IMMP2L: variants seen among roughly 807,000 people sequenced by gnomAD.
IMMP2L encodes the protein inner mitochondrial membrane peptidase subunit 2.
A neutral mutation model predicts 19.3 loss-of-function variants in IMMP2L; 18 were observed. The ratio of observed to expected loss-of-function variants is 0.93; its 90% CI spans 0.64 to 1.38. The LOEUF (loss-of-function observed/expected upper bound fraction) is 1.38, where lower values mean the gene tolerates loss of function less well. IMMP2L is among the 40% of genes most tolerant of loss of function. IMMP2L has a pLI of 0.00. For missense variants in IMMP2L, 233 were observed against 218.2 expected (o/e 1.07, Z -0.43); for synonymous variants, 76 against 73.0 (o/e 1.04, Z -0.21).
intron 5 of IMMP2L, among the ~76,000 whole-genome samples, chr7:110,770,732 G>T (rs1383903644): frequency 2.0e-5 from 3 of 152,186 alleles, no homozygotes; most frequent in Admixed American, 6.5e-5. Context: ...AAAAGCAAGT[G>T]TTCAGTGAAA....
At chr7:111,544,214 A>G (rs1188874926) in intron 1 of IMMP2L, among the ~76,000 whole-genome samples, 5 of 143,766 alleles carry the variant, frequency 3.5e-5, no homozygotes, top group Non-Finnish European at 7.6e-5. Flanking sequence ...ACTTGGACAC[A>G]GGATGGGGAA....
chr7:111,024,848 ACTTG>A, intron 3 of IMMP2L, among the ~76,000 whole-genome samples: 1 of 152,186 alleles, frequency 6.6e-6, no homozygotes, highest in South Asian at 2.1e-4. Context: ...GCATATTTTT[ACTTG>A]TCTTTCAAAT....
chr7:111,297,668 T>C (rs1347415384), intron 3 of IMMP2L, among the ~76,000 whole-genome samples: 1 of 152,000 alleles, frequency 6.6e-6, no homozygotes, highest in South Asian at 2.1e-4. Flanking sequence ...AAAATATCCA[T>C]AAACAGGTGA....
intron 3 of IMMP2L, among the ~76,000 whole-genome samples, chr7:111,461,843 C>A (rs1487990455): frequency 2.0e-5 from 3 of 151,948 alleles, no homozygotes; most frequent in Non-Finnish European, 4.4e-5. Flanking sequence ...GTTTCTGTAT[C>A]ACTTGCAACG....
intron 3 of IMMP2L, among the ~76,000 whole-genome samples, chr7:110,968,525 T>A (rs936393419): frequency 6.6e-6 from 1 of 151,890 alleles, no homozygotes; most frequent in African/African-American, 2.4e-5. Flanking sequence ...AATACAAAAT[T>A]AGCCAGGCAT....
At chr7:110,847,055 T>C (rs540975701) in intron 5 of IMMP2L, among the ~76,000 whole-genome samples, 208 of 152,324 alleles carry the variant, frequency 1.4e-3, no homozygotes, top group Admixed American at 3.1e-3. Flanking sequence ...AGAAATATTT[T>C]GTTATGTCAC....
At chr7:111,460,633 A>ATCAAAATC (rs1204249308) in intron 3 of IMMP2L, among the ~76,000 whole-genome samples, 1 of 152,042 alleles carries the variant, frequency 6.6e-6, no homozygotes, top group Non-Finnish European at 1.5e-5. Context: ...GGAAAATCCT[A>ATCAAAATC]TCAAAATCCT....
chr7:110,907,593 G>A (rs1812604844), intron 4 of IMMP2L, among the ~76,000 whole-genome samples: 1 of 152,112 alleles, frequency 6.6e-6, no homozygotes, highest in South Asian at 2.1e-4. Flanking sequence ...GTGGTATCAG[G>A]CTTTGGGGCC....
intron 3 of IMMP2L, among the ~76,000 whole-genome samples, chr7:111,379,604 T>C (rs896597271): frequency 6.6e-5 from 10 of 151,698 alleles, no homozygotes; most frequent in African/African-American, 2.4e-4. Flanking sequence ...GAAAGTCAAA[T>C]AGAAACACCA....
chr7:110,759,410 T>C (rs528494252), intron 5 of IMMP2L, among the ~76,000 whole-genome samples: 58 of 152,260 alleles, frequency 3.8e-4, no homozygotes, highest in Non-Finnish European at 3.1e-4. Context: ...TATAAATTTC[T>C]GAAAGGAGGC....
chr7:111,251,245 A>T (rs1301948783), intron 3 of IMMP2L, among the ~76,000 whole-genome samples: 2 of 152,184 alleles, frequency 1.3e-5, no homozygotes, highest in African/African-American at 4.8e-5. Context: ...AAGTCAAGAA[A>T]CAACAAATGA....
intron 5 of IMMP2L, among the ~76,000 whole-genome samples, chr7:110,828,270 CG>C (rs1563005125): frequency 2.0e-5 from 3 of 152,154 alleles, no homozygotes; most frequent in African/African-American, 7.2e-5. Flanking sequence ...GGCCCAGATA[CG>C]GCCCACGGGC....
chr7:111,306,929 CTCAT>C (rs1822942190), intron 3 of IMMP2L, among the ~76,000 whole-genome samples: 1 of 150,844 alleles, frequency 6.6e-6, no homozygotes, highest in African/African-American at 2.4e-5. Context: ...AAAATTATCT[CTCAT>C]TATTAAAAGA....
At position 110,824,971 on chromosome 7, in the gene IMMP2L, T is replaced by C. The variant is rs529554040; in HGVS notation, c.408+61622A>G. Among the ~76,000 whole-genome samples, 37 of 152,264 alleles carry C rather than the reference T, an allele frequency of 2.4e-4. No homozygotes were observed. The South Asian group carries it at 7.7e-3, about 32-fold the overall frequency. ...ATCTCAGCCCAAAATCTCCTTAAGC[T>C]GATAAGCAACTTCAGCAAAGTCTCA... On this transcript the variant is annotated intron_variant, in intron 5 of 5. Transcript: ENST00000405709.
intron 3 of IMMP2L, among the ~76,000 whole-genome samples, chr7:111,444,186 T>C (rs1838051713): frequency 6.6e-6 from 1 of 152,176 alleles, no homozygotes; most frequent in African/African-American, 2.4e-5. Context: ...CATTGTCCTT[T>C]TTCTGAGGGT....
At chr7:110,715,786 A>C (rs1795198427) in intron 5 of IMMP2L, among the ~76,000 whole-genome samples, 1 of 152,134 alleles carries the variant, frequency 6.6e-6, no homozygotes. Context: ...TCAAGTATCA[A>C]ACTTAAGTTT....
chr7:111,396,431 A>C (rs1395784761), intron 3 of IMMP2L, among the ~76,000 whole-genome samples: 1 of 152,132 alleles, frequency 6.6e-6, no homozygotes, highest in African/African-American at 2.4e-5. Context: ...GTTCTCACTC[A>C]TAAGTGGCAG....
At chr7:111,190,534 A>G (rs1808750006) in intron 3 of IMMP2L, among the ~76,000 whole-genome samples, 1 of 152,178 alleles carries the variant, frequency 6.6e-6, no homozygotes, top group African/African-American at 2.4e-5. Flanking sequence ...ATAGAACAAT[A>G]GGAACGTAAG....
At chr7:110,984,360 T>C (rs1821632711) in intron 3 of IMMP2L, among the ~76,000 whole-genome samples, 1 of 151,764 alleles carries the variant, frequency 6.6e-6, no homozygotes. Context: ...CCACAGTTTC[T>C]AGATCAAATT....
Sources: gnomAD v4.1 joint callset for allele counts (sites outside exome capture counted in the v4.1 genomes callset) on GRCh38, gnomAD v4.1.1 for gene constraint, MANE v1.5 for transcripts, NCBI Gene and HGNC (gene_info 2026-07-23, HGNC 2026-07-21) for gene names.